SETD1A: variants seen among roughly 807,000 people sequenced by gnomAD.
SETD1A encodes the protein histone-lysine N-methyltransferase SETD1A.
In SETD1A, 29 loss-of-function variants were observed where a neutral mutation model predicts 149.9. The observed-to-expected ratio is 0.19, with a 90% CI of 0.14 to 0.26. The LOEUF (loss-of-function observed/expected upper bound fraction) is 0.26. SETD1A is among the 10% of genes least tolerant of loss of function. The pLI is 1.00. For synonymous variants in SETD1A, 1,141 were observed against 968.5 expected (o/e 1.18, Z -3.31); for missense variants, 2,109 against 2,353.1 (o/e 0.90, Z 2.15).
chr16:30,963,616 G>A, intron 5 of SETD1A, 62 bp downstream of exon 5: 1 of 1,536,594 alleles, frequency 6.5e-7, no homozygotes, highest in South Asian at 1.2e-5. Context: ...GGTGCCCGGA[G>A]CAGGAGCAGT....
At chr16:30,960,759 G>A (rs544981613) in intron 3 of SETD1A, among the ~76,000 whole-genome samples, 46 of 116,620 alleles carry the variant, frequency 3.9e-4, no homozygotes, top group African/African-American at 1.4e-3. Context: ...TTTTTGAGAC[G>A]GAGTCTCGCT....
At position 30,979,991 on chromosome 16, in the gene SETD1A, G is replaced by GCCCCAAC; in HGVS notation, c.4208_4209insCAACCCC (p.Pro1404AsnfsTer19). ...CTCCGCTCCCACGCCCGGCGCCGCC[G>GCCCCAAC]CCCTCCGCCCCCACCCCCGCCGCCA... On this transcript the variant is annotated frameshift_variant, in exon 14 of 19. Transcript: ENST00000262519. LOFTEE classifies it high-confidence loss of function. The GCCCCAAC allele has an allele frequency of 7.8e-7, 1 of 1,279,666 alleles. No individual in the cohort carries two copies. 79.3% of individuals were successfully genotyped at this position (1,279,666 alleles called of 1,614,324 possible). A position where few individuals can be genotyped will look rare whatever the true frequency, so the allele number is the denominator to read the frequency against.
chr16:30,980,280 CCTCCCCTCTGG>C lies in SETD1A; in HGVS notation c.4408+91_4408+101del. The stretch of plus-strand genomic sequence containing the variant: ...CTGCATCTGTGCCCCACTCTGTCTG[CCTCCCCTCTGG>C]CTCCAAGCCATCTTTTCTCTCCTCC... On this transcript the variant is annotated intron_variant, in intron 14 of 18. Transcript: ENST00000262519. This position sits in a 1 kb window ranked among gnomAD's most constrained non-coding sequence, Gnocchi z 7.7. The C allele has an allele frequency of 6.8e-7, 1 of 1,475,156 alleles. No homozygotes were observed. The highest frequency in any genetic ancestry group is 1.4e-5 in the South Asian group (1 of 72,134). The allele number at this position is 1,475,156 out of a possible 1,614,324, so 91.4% of individuals were successfully genotyped here. A position where few individuals can be genotyped will look rare whatever the true frequency, so the allele number is the denominator to read the frequency against.
intron 3 of SETD1A, 136 bp downstream of exon 3, chr16:30,959,322 C>A: frequency 1.4e-6 from 1 of 693,494 alleles, no homozygotes; most frequent in Non-Finnish European, 2.6e-6. Context: ...CTGTGAGACT[C>A]AGTTGTTTTG....
intron 8 of SETD1A, 141 bp from the exon 9 acceptor site, chr16:30,966,743 G>A: frequency 1.0e-6 from 1 of 968,496 alleles, no homozygotes; most frequent in Non-Finnish European, 1.5e-6. Context: ...AAAATGCCGT[G>A]CGGGGGCTGG....
At chr16:30,971,815 T>A in intron 13 of SETD1A, 96 bp downstream of exon 13, 1 of 1,403,296 alleles carries the variant, frequency 7.1e-7, no homozygotes, top group Non-Finnish European at 9.3e-7. Flanking sequence ...GTGTGTGACT[T>A]TATTAGAAAA....
chr16:30,970,353 C>T (rs572695513), intron 12 of SETD1A, among the ~76,000 whole-genome samples: 49 of 151,624 alleles, frequency 3.2e-4, no homozygotes, highest in Middle Eastern at 6.8e-3. Flanking sequence ...CTGCAACCTC[C>T]GCCTCCCTGG....
chr16:30,964,916 C>G lies in SETD1A; in HGVS notation c.1174C>G (p.Pro392Ala), dbSNP rs771871764. ...ACCACGCCGGGCCACACGGGAGGAA[C>G]CCCCTGGAGCCCCTTTTGCTGAAAA... is the stretch of plus-strand genomic sequence containing the variant. ...YPPRRATREE[P>A]PGAPFAENTA... Residue 392 changes from proline to alanine, a missense_variant, in exon 7 of 19, where the codon CCC (proline) becomes GCC (alanine). Pro to Ala is a conservative substitution (Grantham distance 27, BLOSUM62 -1). This residue lies in a region of SETD1A where 410 missense variants were observed against 394.8 expected (regional missense o/e 1.04). Coordinates refer to ENST00000262519, the MANE Select transcript of SETD1A (RefSeq NM_014712.3). The G allele has an allele frequency of 3.7e-6, 6 of 1,614,018 alleles. No homozygotes were observed. The highest frequency in any genetic ancestry group is 3.4e-6 in the Non-Finnish European group (4 of 1,179,866).
At position 30,971,570 on chromosome 16, in the gene SETD1A, G is replaced by A. The variant is rs139080517; in HGVS notation, c.3209G>A (p.Arg1070Gln). 1.9e-5 allele frequency: 30 copies of A among 1,613,680 alleles called. No homozygotes were observed. The highest frequency in any genetic ancestry group is 2.5e-5 in the Non-Finnish European group (30 of 1,179,918). Residue 1070 changes from arginine to glutamine, a missense_variant, in exon 13 of 19, where the codon CGG becomes CAG. By Grantham distance (43) the Arg-to-Gln change is conservative. Transcript: ENST00000262519. ...TCTGAAGATGAAGAGGAAGAGGAGC[G>A]GCCAGCAGCCCTTCCCTCAGCCTCC... is the stretch of plus-strand genomic sequence containing the variant. ...SSSEDEEEEERPAALPSASPP... is the reference protein window; with the variant it reads ...SSSEDEEEEEQPAALPSASPP...
chr16:30,979,356 G>A lies in SETD1A; in HGVS notation c.3570G>A (p.Lys1190=). The change falls in exon 14 of 19, where the codon AAG becomes AAA. Residue 1190 remains lysine (K), a synonymous_variant. Transcript: ENST00000262519. ...EPPPATPPQA[K]FPGPASRKAP... ...CTCCAGCCACACCGCCGCAGGCCAA[G>A]TTTCCCGGCCCAGCCTCCCGCAAGG... 3 of 1,612,948 alleles carry A rather than the reference G, an allele frequency of 1.9e-6. No individual in the cohort carries two copies. The highest frequency in any genetic ancestry group is 2.5e-6 in the Non-Finnish European group (3 of 1,179,576).
rs2056357563 is a variant in SETD1A, at chr16:30,980,420, C to T, written c.4409-65C>T. 1.9e-6 allele frequency: 3 copies of T among 1,556,696 alleles called. No individual in the cohort carries two copies. The highest frequency in any genetic ancestry group is 2.4e-5 in the South Asian group (2 of 82,778). Reference sequence around the variant, plus strand: ...GGTATGCTCAGCGGCGTGGGCCCCGCCCTCTCCTTTGGCTGGGACGCAGGT... The same window carrying T: ...GGTATGCTCAGCGGCGTGGGCCCCGTCCTCTCCTTTGGCTGGGACGCAGGT... On this transcript the variant is annotated intron_variant, in intron 14 of 18. Transcript: ENST00000262519. The surrounding 1 kb of genome is among the most constrained non-coding windows in gnomAD (Gnocchi z 7.7).
chr16:30,979,475 G>A lies in SETD1A; in HGVS notation c.3689G>A (p.Arg1230Gln), dbSNP rs746685333. The A allele has an allele frequency of 1.1e-5, 17 of 1,599,632 alleles. No homozygotes were observed. Among genetic ancestry groups the A allele is most frequent in the Admixed American group, 3.5e-5 (2 of 57,376 alleles). ...SWPEEVSRGG[R>Q]SRAGGRGRLT... ...CCCGAGGAGGTGTCCCGAGGAGGCC[G>A]GAGCCGGGCTGGAGGCCGAGGCCGC... Residue 1230 changes from arginine to glutamine, a missense_variant, in exon 14 of 19, where the codon CGG (arginine) becomes CAG (glutamine). By Grantham distance (43) the Arg-to-Gln change is conservative. Around this residue, in one of 8 missense-constraint regions of SETD1A, gnomAD observed 832 missense variants for 815.6 expected, o/e 1.02. Coordinates refer to ENST00000262519, the MANE Select transcript of SETD1A (RefSeq NM_014712.3).
At chr16:30,969,284 A>G in intron 10 of SETD1A, 21 bp from the exon 11 acceptor site, 4 of 1,604,800 alleles carry the variant, frequency 2.5e-6, no homozygotes, top group Non-Finnish European at 2.6e-6. Flanking sequence ...AATTTCCCCA[A>G]CTACCACTCT....
chr16:30,980,626 C>T lies in SETD1A; in HGVS notation c.4550C>T (p.Ser1517Leu), dbSNP rs750403523. The T allele has an allele frequency of 9.9e-6, 16 of 1,613,514 alleles. No individual in the cohort carries two copies. The highest frequency in any genetic ancestry group is 1.3e-5 in the African/African-American group (1 of 74,946). ...KDKYLDVCPV[S>L]ARQLEGVDTQ... The stretch of plus-strand genomic sequence containing the variant: ...AAGTACCTGGACGTGTGCCCAGTCT[C>T]GGCCCGGCAGCTGGAGGGCGTGGAC... The change falls in exon 15 of 19, where the codon TCG (serine) becomes TTG (leucine). Residue 1517 changes from serine (S) to leucine (L), a missense_variant. Physicochemically the swap from Ser to Leu is moderately radical, Grantham distance 145. Transcript: ENST00000262519. The surrounding 1 kb of genome is among the most constrained non-coding windows in gnomAD (Gnocchi z 7.7).
At position 30,979,750 on chromosome 16, in the gene SETD1A, C is replaced by T. The variant is rs1425991717; in HGVS notation, c.3964C>T (p.Pro1322Ser). The T allele has an allele frequency of 2.5e-6, 4 of 1,596,642 alleles. No individual in the cohort carries two copies. The highest frequency in any genetic ancestry group is 2.7e-5 in the African/African-American group (2 of 74,854). Residue 1322 changes from proline (P) to serine (S), a missense_variant, in exon 14 of 19, where the codon CCC becomes TCC. Physicochemically the swap from Pro to Ser is moderately conservative, Grantham distance 74. Transcript: ENST00000262519. ...AGCCCTGCGGCCCCCGGAGCCAGTG[C>T]CCGCACCCGCCGCCCTCTTCAGTTC... is the stretch of plus-strand genomic sequence containing the variant. ...APALRPPEPVPAPAALFSSPA... is the reference protein window; with the variant it reads ...APALRPPEPVSAPAALFSSPA...
At position 30,971,621 on chromosome 16, in the gene SETD1A, C is replaced by T; in HGVS notation, c.3260C>T (p.Pro1087Leu). 2 of 1,613,828 alleles carry T rather than the reference C, an allele frequency of 1.2e-6. No individual in the cohort carries two copies. The highest frequency in any genetic ancestry group is 1.7e-6 in the Non-Finnish European group (2 of 1,179,890). The change falls in exon 13 of 19, where the codon CCC becomes CTC. Residue 1087 changes from proline (P) to leucine (L), a missense_variant. Physicochemically the swap from Pro to Leu is moderately conservative, Grantham distance 98 (BLOSUM62 -3). This residue lies in a region of SETD1A where 832 missense variants were observed against 815.6 expected (regional missense o/e 1.02). Coordinates refer to ENST00000262519, the MANE Select transcript of SETD1A (RefSeq NM_014712.3). ...ASPPPREVPV[P>L]TPAPVEVPVP... ...CCGCCCCCCAGAGAAGTCCCAGTGC[C>T]CACGCCAGCACCTGTGGAGGTGCCA...
chr16:30,981,160 G>A lies in SETD1A; in HGVS notation c.4792G>A (p.Val1598Met). ...IAADEMVIEY[V>M]GQNIRQMVAD... ...TGCTGACGAGATGGTCATCGAATAC[G>A]TGGGTCAGAACATCCGTCAGGTGAG... Residue 1598 changes from valine to methionine, a missense_variant, in exon 17 of 19, where the codon GTG (valine) becomes ATG (methionine). Val to Met is a conservative substitution (Grantham distance 21). Transcript: ENST00000262519. 2 of 1,614,158 alleles carry A rather than the reference G, an allele frequency of 1.2e-6. No individual in the cohort carries two copies. The highest frequency in any genetic ancestry group is 1.7e-6 in the Non-Finnish European group (2 of 1,180,016).
intron 4 of SETD1A, 83 bp from the exon 5 acceptor site, chr16:30,963,350 G>C: frequency 7.5e-7 from 1 of 1,327,518 alleles, no homozygotes. Context: ...TAGGAAACTT[G>C]AGGCCTGAGA....
Position 30,959,143 on chromosome 16 carries a change from G to A in SETD1A, c.203G>A (p.Arg68Lys). Residue 68 changes from arginine (R) to lysine (K), a missense_variant, in exon 3 of 19, where the codon AGG (arginine) becomes AAG (lysine). Around this residue, in one of 8 missense-constraint regions of SETD1A, gnomAD observed 75 missense variants for 95.3 expected, o/e 0.79. Coordinates refer to ENST00000262519, the MANE Select transcript of SETD1A (RefSeq NM_014712.3). ...CTCCAAGACCCCCGTTGCCATGTCA[G>A]GTCCAAAAACAGAGACTTTTCCCTC... ...EDLQDPRCHVRSKNRDFSLPV... is the reference protein window; with the variant it reads ...EDLQDPRCHVKSKNRDFSLPV... The A allele has an allele frequency of 6.2e-7, 1 of 1,613,932 alleles. No individual in the cohort carries two copies.
Sources: allele counts gnomAD v4.1 joint callset (sites outside exome capture counted in the v4.1 genomes callset), GRCh38; gene constraint gnomAD v4.1.1; regional missense constraint gnomAD v4.1.1; non-coding constraint Gnocchi (gnomAD v3.1); transcripts MANE v1.5; gene names NCBI Gene and HGNC (gene_info 2026-07-23, HGNC 2026-07-21).